KIAA1328: variants seen among roughly 807,000 people sequenced by gnomAD.
KIAA1328 encodes protein hinderin.
A neutral mutation model predicts 68.1 loss-of-function variants in KIAA1328; 52 were observed. The observed-to-expected ratio is 0.76, with a 90% CI of 0.61 to 0.96. The LOEUF (loss-of-function observed/expected upper bound fraction) is 0.96, where lower values mean the gene tolerates loss of function less well. Among genes scored for constraint, KIAA1328 ranks in the 40% least tolerant of loss-of-function variants. The probability of loss-of-function intolerance (pLI) is 0.00; values close to 1 mark genes in which losing one functional copy is unlikely to be tolerated. For missense variants in KIAA1328, 641 were observed against 677.6 expected, an observed-to-expected ratio of 0.95 and a Z score of 0.60; for synonymous variants, 232 against 239.4, an observed-to-expected ratio of 0.97 and a Z score of 0.28.
intron 4 of KIAA1328, among the ~76,000 whole-genome samples, chr18:36,851,200 A>G (rs1406250498): frequency 1.3e-5 from 2 of 151,776 alleles, no homozygotes; most frequent in Non-Finnish European, 2.9e-5. Flanking sequence ...ATGCTTTTGG[A>G]TTTGGTTTGC....
chr18:36,901,778 G>A (rs1313494234), intron 5 of KIAA1328, among the ~76,000 whole-genome samples: 1 of 151,976 alleles, frequency 6.6e-6, no homozygotes, highest in African/African-American at 2.4e-5. Flanking sequence ...AAATATGTTA[G>A]AACTGATATA....
intron 6 of KIAA1328, among the ~76,000 whole-genome samples, chr18:37,002,197 C>A (rs1403392232): frequency 6.7e-6 from 1 of 148,756 alleles, no homozygotes; most frequent in Admixed American, 6.7e-5. Context: ...AAACCACTAG[C>A]ATTTCTTTTT....
At chr18:36,949,074 A>C (rs1260934320) in intron 5 of KIAA1328, among the ~76,000 whole-genome samples, 2 of 152,082 alleles carry the variant, frequency 1.3e-5, no homozygotes, top group Admixed American at 6.5e-5. Flanking sequence ...TGTGCAGTTC[A>C]CTTGATAAGG....
chr18:37,228,340 G>A (rs2060649800), downstream of KIAA1328, among the ~76,000 whole-genome samples: 1 of 152,136 alleles, frequency 6.6e-6, no homozygotes. Context: ...TTCTACAGTG[G>A]GTAAAATGCT....
chr18:37,033,257 G>C (rs2054903441), intron 6 of KIAA1328, among the ~76,000 whole-genome samples: 2 of 151,896 alleles, frequency 1.3e-5, no homozygotes, highest in Admixed American at 1.3e-4. Flanking sequence ...TCATCTCCAG[G>C]TGTTTTTCTG....
intron 6 of KIAA1328, among the ~76,000 whole-genome samples, chr18:37,018,961 GAGTT>G (rs2054244114): frequency 6.6e-6 from 1 of 152,088 alleles, no homozygotes; most frequent in Non-Finnish European, 1.5e-5. Context: ...CATTGCTGGA[GAGTT>G]AGTTCAGTAC....
chr18:36,850,259 G>A (rs908137919), intron 4 of KIAA1328, among the ~76,000 whole-genome samples: 31 of 151,876 alleles, frequency 2.0e-4, no homozygotes, highest in African/African-American at 7.2e-4. Flanking sequence ...AAATGAGATG[G>A]TTTTCTTAGT....
At chr18:37,076,736 G>A (rs1230924367) in intron 7 of KIAA1328, among the ~76,000 whole-genome samples, 1 of 151,998 alleles carries the variant, frequency 6.6e-6, no homozygotes, top group Non-Finnish European at 1.5e-5. Flanking sequence ...AAATCTAGAA[G>A]AAATGGATAA....
chr18:37,067,222 T>C lies in KIAA1328; in HGVS notation c.909T>C (p.Ser303=). 1 of 1,614,002 alleles carries C rather than the reference T, an allele frequency of 6.2e-7. No homozygotes were observed. Among genetic ancestry groups the C allele is most frequent in the Non-Finnish European group, 8.5e-7 (1 of 1,179,874 alleles). ...GTCCACATCTTAAGCCTACTCCTAG[T>C]CAATGCTGTGGTCATAGACTTGCTG... ...KECPHLKPTP[S]QCCGHRLAAD... Residue 303 remains serine, a synonymous_variant, in exon 7 of 10, where the codon AGT becomes AGC. Transcript: ENST00000280020.
chr18:36,863,729 A>C (rs992090707), intron 4 of KIAA1328, among the ~76,000 whole-genome samples: 1 of 152,142 alleles, frequency 6.6e-6, no homozygotes, highest in Non-Finnish European at 1.5e-5. Context: ...GATACTATAC[A>C]TATTTTCTTA....
intron 4 of KIAA1328, among the ~76,000 whole-genome samples, chr18:36,868,103 G>T (rs2047818016): frequency 6.6e-6 from 1 of 152,148 alleles, no homozygotes; most frequent in African/African-American, 2.4e-5. Context: ...GCTAATAAAA[G>T]AATAGAATAC....
At chr18:37,168,293 A>G (rs2059430157) in intron 8 of KIAA1328, among the ~76,000 whole-genome samples, 2 of 152,238 alleles carry the variant, frequency 1.3e-5, no homozygotes, top group Admixed American at 6.5e-5. Context: ...GAAGTGGCAC[A>G]TATAATGTCC....
At chr18:37,201,047 T>C (rs924964337) in intron 9 of KIAA1328, among the ~76,000 whole-genome samples, 3 of 152,156 alleles carry the variant, frequency 2.0e-5, no homozygotes, top group Non-Finnish European at 2.9e-5. Context: ...CAGTGAGGAA[T>C]TTTTAGGAGC....
chr18:36,901,072 G>T (rs1463914138), intron 5 of KIAA1328, among the ~76,000 whole-genome samples: 2 of 152,004 alleles, frequency 1.3e-5, no homozygotes, highest in Admixed American at 1.3e-4. Context: ...TAAATATCAT[G>T]TTCCTTATGA....
intron 6 of KIAA1328, among the ~76,000 whole-genome samples, chr18:37,032,532 C>CGTATCTATTTCGTATCT (rs2054871647): frequency 6.6e-6 from 1 of 151,668 alleles, no homozygotes; most frequent in African/African-American, 2.4e-5. Context: ...GTATCTATTT[C>CGTATCTATTTCGTATCT]ACTTCGTTTT....
intron 6 of KIAA1328, among the ~76,000 whole-genome samples, chr18:37,033,392 G>A (rs147244571): frequency 3.0e-4 from 46 of 152,226 alleles, no homozygotes; most frequent in African/African-American, 9.9e-4. Flanking sequence ...ATTCTGACAG[G>A]CATTTAAGTT....
At position 37,173,179 on chromosome 18, in the gene KIAA1328, A is replaced by T. The variant is rs1045560318; in HGVS notation, c.1523+98A>T. 2.4e-5 allele frequency: 21 copies of T among 875,664 alleles called. No individual in the cohort carries two copies. In the African/African-American group the frequency reaches 3.6e-4, roughly 15 times the overall value. The allele number at this position is 875,664 out of a possible 1,614,324, so 54.2% of individuals were successfully genotyped here. ...GAAGGGAAAAATCTTGACAACTCTT[A>T]GTAATTCTTTCTCAAGAGAGGTCCT... On this transcript the variant is annotated intron_variant, in intron 9 of 9. Coordinates refer to ENST00000280020, the MANE Select transcript of KIAA1328 (RefSeq NM_020776.3).
intron 6 of KIAA1328, among the ~76,000 whole-genome samples, chr18:37,058,648 G>A (rs532607760): frequency 6.6e-6 from 1 of 152,092 alleles, no homozygotes; most frequent in Non-Finnish European, 1.5e-5. Flanking sequence ...GGAGGCAGAG[G>A]TTGCAGTGAG....
chr18:37,178,940 G>C (rs996417252), intron 9 of KIAA1328, among the ~76,000 whole-genome samples: 3 of 152,022 alleles, frequency 2.0e-5, no homozygotes, highest in Non-Finnish European at 4.4e-5. Flanking sequence ...TCTTGCTATT[G>C]AGTTGTTTGA....
Sources: gnomAD v4.1 joint callset for allele counts (sites outside exome capture counted in the v4.1 genomes callset) on GRCh38, gnomAD v4.1.1 for gene constraint, MANE v1.5 for transcripts, NCBI Gene and HGNC (gene_info 2026-07-23, HGNC 2026-07-21) for gene names.